The following CFAP54 variants were observed in gnomAD, a reference collection of about 807,000 sequenced individuals.
CFAP54 encodes cilia- and flagella-associated protein 54.
A neutral mutation model predicts 370.4 loss-of-function variants in CFAP54; 290 were observed. That is an observed-to-expected ratio of 0.78 (90% CI 0.71 to 0.86). CFAP54 has a LOEUF of 0.86. CFAP54 is among the 40% of genes least tolerant of loss of function. CFAP54 has a pLI of 0.00. For synonymous variants in CFAP54, 1,206 were observed against 1,236.5 expected (o/e 0.98, Z 0.52); for missense variants, 3,399 against 3,528.7 (o/e 0.96, Z 0.93).
intron 66 of CFAP54, among the ~76,000 whole-genome samples, chr12:96,844,755 G>A (rs1360732954): frequency 2.0e-5 from 3 of 152,082 alleles, no homozygotes; most frequent in Non-Finnish European, 4.4e-5. Flanking sequence ...CCACACCTGG[G>A]CACTCCCCCA....
At position 96,742,449 on chromosome 12, in the gene CFAP54, A is replaced by G. The variant is rs1958062575; in HGVS notation, c.7082A>G (p.Asn2361Ser). ...PVSPGTSVTE[N>S]KDDSEFLDPI... ...TTTAATATTGTTTAGGTCACTGAAA[A>G]TAAAGATGACAGTGAGTTTTTAGAT... is the stretch of plus-strand genomic sequence containing the variant. The change falls in exon 52 of 68, where the codon AAT becomes AGT. Residue 2361 changes from asparagine to serine, a missense_variant. Around this residue, in one of 3 missense-constraint regions of CFAP54, gnomAD observed 2,796 missense variants for 2,869.7 expected, o/e 0.97. Coordinates refer to ENST00000524981, the MANE Select transcript of CFAP54 (RefSeq NM_001306084.2). 6.3e-7 allele frequency: 1 copy of G among 1,575,268 alleles called. No individual in the cohort carries two copies.
intron 42 of CFAP54, 123 bp downstream of exon 42, chr12:96,685,361 A>T (rs1957316638): frequency 1.3e-6 from 1 of 747,464 alleles, no homozygotes; most frequent in African/African-American, 1.7e-5. Context: ...TGTCCATATC[A>T]TACAGGGCCT....
At chr12:96,759,578 GGAAATATAACATTT>G (rs777188593) in intron 58 of CFAP54, among the ~76,000 whole-genome samples, 24 of 152,284 alleles carry the variant, frequency 1.6e-4, no homozygotes, top group Non-Finnish European at 2.1e-4. Flanking sequence ...TTCAGACCAT[GGAAATATAACATTT>G]GAAATATGTC....
At chr12:96,869,719 T>G (rs1046781887) in intron 67 of CFAP54, among the ~76,000 whole-genome samples, 1 of 151,760 alleles carries the variant, frequency 6.6e-6, no homozygotes. Flanking sequence ...GTGGATCACC[T>G]GAGGTCGGGA....
chr12:96,792,958 G>C (rs531910989), intron 63 of CFAP54, among the ~76,000 whole-genome samples: 1 of 151,886 alleles, frequency 6.6e-6, no homozygotes, highest in South Asian at 2.1e-4. Context: ...TATTTATTTT[G>C]CTGGATTCAG....
chr12:96,512,460 A>C (rs1955183954), intron 4 of CFAP54, among the ~76,000 whole-genome samples: 1 of 151,164 alleles, frequency 6.6e-6, no homozygotes, highest in South Asian at 2.1e-4. Flanking sequence ...TTTCTCCCTC[A>C]GTCTCCCAAG....
chr12:96,580,459 T>A, intron 20 of CFAP54, 138 bp from the exon 21 acceptor site: 1 of 490,738 alleles, frequency 2.0e-6, no homozygotes, highest in Non-Finnish European at 3.5e-6. Context: ...CTTTAAAGAT[T>A]AAACCTAAGT....
rs562150948 is a variant in CFAP54 at position 96,702,723 on chromosome 12, G to T, written c.6475-2020G>T. ...GTTAATTTGCAGCTTTCGAGCTTCAGTTGGGAATTTCAAAAGTGTAATTAA... is the reference window on the plus strand; with the variant it reads ...GTTAATTTGCAGCTTTCGAGCTTCATTTGGGAATTTCAAAAGTGTAATTAA... On this transcript the variant is annotated intron_variant, in intron 46 of 67. Coordinates refer to ENST00000524981, the MANE Select transcript of CFAP54 (RefSeq NM_001306084.2). Among the ~76,000 whole-genome samples the T allele has an allele frequency of 2.0e-3, 299 of 152,300 alleles. 1 individual carries two copies. The Middle Eastern group carries it at 0.02, about 10-fold the overall frequency.
At chr12:96,554,113 A>T in intron 15 of CFAP54, 69 bp from the exon 16 acceptor site, 2 of 1,023,074 alleles carry the variant, frequency 2.0e-6, no homozygotes, top group Non-Finnish European at 2.7e-6. Context: ...ATTATTGTCA[A>T]AAATTGGAAG....
chr12:96,499,219 C>T (rs529993565), intron 1 of CFAP54, among the ~76,000 whole-genome samples: 1 of 152,206 alleles, frequency 6.6e-6, no homozygotes, highest in Admixed American at 6.5e-5. Context: ...CTCAAGTGAT[C>T]CACCTTTCTT....
intron 26 of CFAP54, among the ~76,000 whole-genome samples, chr12:96,603,649 C>T (rs1030990648): frequency 4.6e-5 from 7 of 152,094 alleles, no homozygotes; most frequent in Admixed American, 2.0e-4. Flanking sequence ...AGGCTTTGTT[C>T]GTTTCTTTTT....
chr12:96,505,300 G>A (rs1251449804), intron 3 of CFAP54, among the ~76,000 whole-genome samples: 2 of 151,914 alleles, frequency 1.3e-5, no homozygotes, highest in African/African-American at 4.8e-5. Context: ...CTGACCTCAT[G>A]ATCCACTCTC....
chr12:96,818,468 C>T (rs1366623913), intron 65 of CFAP54, among the ~76,000 whole-genome samples: 1 of 152,162 alleles, frequency 6.6e-6, no homozygotes, highest in African/African-American at 2.4e-5. Context: ...TCTCAGTTCT[C>T]CTGGGGCACA....
At chr12:96,767,414 A>C (rs1958411677) in intron 60 of CFAP54, among the ~76,000 whole-genome samples, 1 of 152,260 alleles carries the variant, frequency 6.6e-6, no homozygotes, top group African/African-American at 2.4e-5. Flanking sequence ...GTTTAATACT[A>C]GAACCTAAGC....
Position 96,547,794 on chromosome 12 carries a change from C to T in CFAP54, c.2078-108C>T, listed in dbSNP as rs960451291. 4 of 421,194 alleles carry T rather than the reference C, an allele frequency of 9.5e-6. No individual in the cohort carries two copies. In the East Asian group the frequency reaches 1.1e-4, roughly 11 times the overall value. The allele number at this position is 421,194 out of a possible 1,614,324, so 26.1% of individuals were successfully genotyped here. A position where few individuals can be genotyped will look rare whatever the true frequency, so the allele number is the denominator to read the frequency against. On this transcript the variant is annotated intron_variant, in intron 14 of 67. Transcript: ENST00000524981. ...TCCTTCCTTCTTCTTTCGTTTCCTC[C>T]TCACTCTTGCCCTGTCCTCTTCCTC... is the stretch of plus-strand genomic sequence containing the variant.
chr12:96,827,972 A>C (rs1363648390), intron 65 of CFAP54, among the ~76,000 whole-genome samples: 1 of 91,254 alleles, frequency 1.1e-5, no homozygotes. Context: ...ATACATAGTA[A>C]TATATTATAT....
At chr12:96,675,435 AC>A (rs1351837695) in intron 39 of CFAP54, among the ~76,000 whole-genome samples, 2 of 152,164 alleles carry the variant, frequency 1.3e-5, no homozygotes, top group African/African-American at 2.4e-5. Context: ...AAGTCAGGAA[AC>A]GACAGGTGCT....
intron 66 of CFAP54, among the ~76,000 whole-genome samples, chr12:96,848,416 T>C (rs1959424227): frequency 6.6e-6 from 1 of 152,084 alleles, no homozygotes; most frequent in Admixed American, 6.5e-5. Flanking sequence ...AGATTTCTAC[T>C]GGCTGGGTGC....
chr12:96,728,893 A>C (rs991310385), intron 50 of CFAP54, among the ~76,000 whole-genome samples: 4 of 152,098 alleles, frequency 2.6e-5, no homozygotes, highest in African/African-American at 9.7e-5. Context: ...TTTCCTTCTA[A>C]CAGACAGGAC....
Sources: allele counts gnomAD v4.1 joint callset (sites outside exome capture counted in the v4.1 genomes callset), GRCh38; gene constraint gnomAD v4.1.1; regional missense constraint gnomAD v4.1.1; transcripts MANE v1.5; gene names NCBI Gene and HGNC (gene_info 2026-07-23, HGNC 2026-07-21).